IQCM: variants seen among roughly 807,000 people sequenced by gnomAD.
The protein encoded by IQCM is IQ motif containing M, also known as IQ domain-containing protein M.
A neutral mutation model predicts 57.6 loss-of-function variants in IQCM; 45 were observed. The observed-to-expected ratio is 0.78, with a 90% CI of 0.62 to 1.00. The LOEUF (loss-of-function observed/expected upper bound fraction) is 1.00. IQCM is among the 50% of genes least tolerant of loss of function. IQCM has a pLI of 0.00. For synonymous variants in IQCM, 148 were observed against 158.9 expected (o/e 0.93, Z 0.51); for missense variants, 468 against 511.6 (o/e 0.91, Z 0.82).
At chr4:149,526,339 T>C (rs1746157914) in intron 12 of IQCM, among the ~76,000 whole-genome samples, 1 of 151,960 alleles carries the variant, frequency 6.6e-6, no homozygotes, top group Non-Finnish European at 1.5e-5. Flanking sequence ...GGTTAGAAGA[T>C]TCTCATGGCG....
chr4:149,519,602 C>T (rs748462975), intron 12 of IQCM, among the ~76,000 whole-genome samples: 6 of 151,818 alleles, frequency 4.0e-5, no homozygotes, highest in African/African-American at 9.7e-5. Context: ...GCCCAGATTG[C>T]GCCACTGCGC....
At chr4:149,713,831 T>C (rs185167687) in intron 5 of IQCM, among the ~76,000 whole-genome samples, 1 of 152,244 alleles carries the variant, frequency 6.6e-6, no homozygotes, top group Non-Finnish European at 1.5e-5. Context: ...GTTCCAGCAA[T>C]TCTTCCTTTT....
At chr4:149,584,523 T>C (rs1752484893) in intron 9 of IQCM, among the ~76,000 whole-genome samples, 1 of 151,680 alleles carries the variant, frequency 6.6e-6, no homozygotes, top group African/African-American at 2.4e-5. Context: ...AACTCCCAAA[T>C]TAAATCAAGT....
Position 149,504,898 on chromosome 4 carries a change from C to CAG in IQCM, c.1228+43555_1228+43556dup, listed in dbSNP as rs369334100. Among the ~76,000 whole-genome samples the CAG allele has an allele frequency of 1.2e-3, 186 of 150,424 alleles. 1 individual carries two copies. The highest frequency in any genetic ancestry group is 3.6e-3 in the African/African-American group (147 of 41,168). On this transcript the variant is annotated intron_variant, in intron 12 of 13. Coordinates refer to ENST00000636793, the MANE Select transcript of IQCM (RefSeq NM_001363507.2). ...AAAGCAAGACTCTGTCTCAAAACAACAGAGAGAGAGAGAGAGACCCTGGGA... is the reference window on the plus strand; with the variant it reads ...AAAGCAAGACTCTGTCTCAAAACAACAGAGAGAGAGAGAGAGAGACCCTGGGA...
At chr4:149,418,390 G>A (rs1357773202) in intron 13 of IQCM, among the ~76,000 whole-genome samples, 1 of 152,086 alleles carries the variant, frequency 6.6e-6, no homozygotes, top group Non-Finnish European at 1.5e-5. Flanking sequence ...ACTGAACCAG[G>A]AAGAAGTTGA....
intron 8 of IQCM, among the ~76,000 whole-genome samples, chr4:149,601,934 G>C (rs1414126238): frequency 6.6e-6 from 1 of 150,554 alleles, no homozygotes; most frequent in Non-Finnish European, 1.5e-5. Flanking sequence ...GTCGCCTGTA[G>C]TCTGAGCTAC....
At chr4:149,461,865 T>C (rs1331021209) in intron 12 of IQCM, among the ~76,000 whole-genome samples, 4 of 151,832 alleles carry the variant, frequency 2.6e-5, no homozygotes, top group African/African-American at 9.7e-5. Context: ...ATCCTGACAC[T>C]ATATCTGGCA....
At chr4:149,784,016 A>C (rs1444958853) in intron 2 of IQCM, among the ~76,000 whole-genome samples, 2 of 152,362 alleles carry the variant, frequency 1.3e-5, no homozygotes, top group South Asian at 2.1e-4. Flanking sequence ...TTAAGACTTC[A>C]AAGCACAAAA....
chr4:149,679,913 T>C (rs1011419475), intron 7 of IQCM, among the ~76,000 whole-genome samples: 1 of 151,404 alleles, frequency 6.6e-6, no homozygotes, highest in African/African-American at 2.4e-5. Flanking sequence ...CCATAAAAAG[T>C]ATTCATTATT....
At chr4:149,600,878 T>A (rs960626754) in intron 8 of IQCM, among the ~76,000 whole-genome samples, 1 of 152,148 alleles carries the variant, frequency 6.6e-6, no homozygotes, top group African/African-American at 2.4e-5. Context: ...CTAGAAAATT[T>A]TTTCAGGACA....
rs1750370652 is a variant in IQCM, at chr4:149,563,910, C to A, written c.750-20G>T. 2.6e-6 allele frequency: 3 copies of A among 1,132,164 alleles called. No homozygotes were observed. Among genetic ancestry groups the A allele is most frequent in the South Asian group, 4.5e-5 (1 of 22,284 alleles). The allele number at this position is 1,132,164 out of a possible 1,614,324, so 70.1% of individuals were successfully genotyped here. On this transcript the variant is annotated intron_variant, in intron 9 of 13. Coordinates refer to ENST00000636793, the MANE Select transcript of IQCM (RefSeq NM_001363507.2). Reference sequence around the variant, plus strand: ...TTTATCCTAAAAATAAAACAAATTTCTTATTATACATAATATGAAAAATTA... The same window carrying A: ...TTTATCCTAAAAATAAAACAAATTTATTATTATACATAATATGAAAAATTA...
chr4:149,368,784 G>GTA (rs1387762991), intron 13 of IQCM, among the ~76,000 whole-genome samples: 9 of 90,936 alleles, frequency 9.9e-5, no homozygotes, highest in South Asian at 3.1e-4. Flanking sequence ...ATATATACAT[G>GTA]TATATATATA....
intron 13 of IQCM, among the ~76,000 whole-genome samples, chr4:149,404,400 A>G (rs1405382968): frequency 6.6e-6 from 1 of 152,086 alleles, no homozygotes; most frequent in Non-Finnish European, 1.5e-5. Flanking sequence ...TATTAACCAG[A>G]TGGAAACTCA....
At chr4:149,405,026 C>T (rs987850352) in intron 13 of IQCM, among the ~76,000 whole-genome samples, 5 of 151,888 alleles carry the variant, frequency 3.3e-5, no homozygotes, top group Admixed American at 1.3e-4. Flanking sequence ...AACTGTTCCA[C>T]CTTGAAACAG....
At chr4:149,595,234 T>C (rs1284542204) in intron 8 of IQCM, among the ~76,000 whole-genome samples, 1 of 152,182 alleles carries the variant, frequency 6.6e-6, no homozygotes. Context: ...TCTTTTGATC[T>C]TTGTTGGTTT....
rs541778042 is a variant in IQCM at position 149,605,852 on chromosome 4, G to T, written c.681+15277C>A. On this transcript the variant is annotated intron_variant, in intron 8 of 13. Coordinates refer to ENST00000636793, the MANE Select transcript of IQCM (RefSeq NM_001363507.2). ...GAGAGAGATTTCTGCTTGGGGGAAG[G>T]CAAGGGAAGAGTACAGAGCACTTTG... Among the ~76,000 whole-genome samples, 168 of 152,018 alleles carry T rather than the reference G, an allele frequency of 1.1e-3. 6 individuals are homozygous for T. The South Asian group carries it at 0.034, about 31-fold the overall frequency.
chr4:149,814,061 CAT>C (rs1292201547), intron 2 of IQCM, among the ~76,000 whole-genome samples: 1 of 151,986 alleles, frequency 6.6e-6, no homozygotes, highest in Non-Finnish European at 1.5e-5. Flanking sequence ...AATTCCTTTA[CAT>C]TTCTAAAAGT....
chr4:149,446,426 A>G (rs1295518101), intron 12 of IQCM, among the ~76,000 whole-genome samples: 1 of 151,784 alleles, frequency 6.6e-6, no homozygotes, highest in Non-Finnish European at 1.5e-5. Flanking sequence ...TAAATTTTTG[A>G]ACAATAATAG....
intron 12 of IQCM, among the ~76,000 whole-genome samples, chr4:149,468,893 C>G (rs1739179079): frequency 6.6e-6 from 1 of 152,186 alleles, no homozygotes. Context: ...CAATCTCCAA[C>G]AGACCTGCAG....
Sources: allele counts gnomAD v4.1 joint callset (sites outside exome capture counted in the v4.1 genomes callset), GRCh38; gene constraint gnomAD v4.1.1; transcripts MANE v1.5; gene names NCBI Gene and HGNC (gene_info 2026-07-23, HGNC 2026-07-21).